LYPD6: variants seen among roughly 807,000 people sequenced by gnomAD.
The protein encoded by LYPD6 is ly6/PLAUR domain-containing protein 6.
Under a neutral mutation model 22.7 loss-of-function variants are expected in LYPD6, and 15 were observed. The ratio of observed to expected loss-of-function variants is 0.66; its 90% CI spans 0.44 to 1.02. The LOEUF (loss-of-function observed/expected upper bound fraction) is 1.02. Among genes scored for constraint, LYPD6 ranks in the 50% least tolerant of loss-of-function variants. LYPD6 has a pLI of 0.00. For synonymous variants in LYPD6, 72 were observed against 77.5 expected (o/e 0.93, Z 0.37); for missense variants, 189 against 208.4 (o/e 0.91, Z 0.57).
chr2:149,376,971 C>T (rs1681935627), intron 1 of LYPD6, among the ~76,000 whole-genome samples: 1 of 152,204 alleles, frequency 6.6e-6, no homozygotes. Flanking sequence ...ACCTTTGCAT[C>T]TCCTTTGTCA....
At chr2:149,460,612 C>T (rs930846470) in intron 3 of LYPD6, among the ~76,000 whole-genome samples, 1 of 152,102 alleles carries the variant, frequency 6.6e-6, no homozygotes, top group Non-Finnish European at 1.5e-5. Context: ...TAGAAGAATT[C>T]AACAGCACCA....
downstream of LYPD6, among the ~76,000 whole-genome samples, chr2:149,476,690 G>T (rs773327071): frequency 2.6e-5 from 4 of 152,220 alleles, no homozygotes; most frequent in Admixed American, 1.3e-4. Context: ...TCATCTTTGA[G>T]AAGAATTCAG....
At position 149,374,471 on chromosome 2, in the gene LYPD6, A is replaced by G. The variant is rs763809450; in HGVS notation, c.-72+43749A>G. The stretch of plus-strand genomic sequence containing the variant: ...CTCCATGATATTGGGAATGAAGGCA[A>G]CAATTTGAGTATTATCTAGATAGAG... On this transcript the variant is annotated intron_variant, in intron 1 of 4. Coordinates refer to ENST00000334166, the MANE Select transcript of LYPD6 (RefSeq NM_194317.5). Among the ~76,000 whole-genome samples, 123 of 152,312 alleles carry G rather than the reference A, an allele frequency of 8.1e-4. 1 individual carries two copies. The highest frequency in any genetic ancestry group is 4.1e-4 in the South Asian group (2 of 4,824).
chr2:149,474,212 G>C (rs1011212687), downstream of LYPD6: 1 of 150,806 alleles, frequency 6.6e-6, no homozygotes, highest in African/African-American at 2.4e-5. Flanking sequence ...TCGTTTTTTT[G>C]AGACAGCAGG....
At position 149,372,620 on chromosome 2, in the gene LYPD6, G is replaced by A. The variant is rs369832214; in HGVS notation, c.-72+41898G>A. ...CTTAAAGCTGGTCTAAACTTGCAGA[G>A]CATTCAAAGAATTTGGTTTAGTTTA... On this transcript the variant is annotated intron_variant, in intron 1 of 4. Coordinates refer to ENST00000334166, the MANE Select transcript of LYPD6 (RefSeq NM_194317.5). 3.3e-5 allele frequency among the ~76,000 whole-genome samples: 5 copies of A among 152,302 alleles called. No individual in the cohort carries two copies. The South Asian group carries it at 1.0e-3, about 32-fold the overall frequency.
chr2:149,357,401 A>G (rs1257005389), intron 1 of LYPD6, among the ~76,000 whole-genome samples: 4 of 152,316 alleles, frequency 2.6e-5, no homozygotes, highest in East Asian at 1.9e-4. Context: ...GTGCACATCA[A>G]TAACAATCTC....
At chr2:149,451,436 C>G (rs543501456) in intron 3 of LYPD6, among the ~76,000 whole-genome samples, 1 of 152,294 alleles carries the variant, frequency 6.6e-6, no homozygotes, top group East Asian at 1.9e-4. Flanking sequence ...GACTGCTTCT[C>G]CTGGTACTGA....
intron 1 of LYPD6, among the ~76,000 whole-genome samples, chr2:149,341,391 T>C (rs1681158943): frequency 6.6e-6 from 1 of 152,184 alleles, no homozygotes; most frequent in South Asian, 2.1e-4. Flanking sequence ...TACGTATACC[T>C]GTATTTTGTA....
intron 1 of LYPD6, among the ~76,000 whole-genome samples, chr2:149,418,349 A>G (rs1326488837): frequency 6.6e-6 from 1 of 152,206 alleles, no homozygotes; most frequent in African/African-American, 2.4e-5. Flanking sequence ...TTATTCTAAG[A>G]AAATAATGGG....
At position 149,471,037 on chromosome 2, in the gene LYPD6, A is replaced by G. The variant is rs1345559805; in HGVS notation, c.*187A>G. ...CTTCATTGTAGCCATTTTGAGTCTA[A>G]CCGAGACTCATCAAAGCCTTCTGTC... is the stretch of plus-strand genomic sequence containing the variant. On this transcript the variant is annotated 3_prime_UTR_variant, in exon 5 of 5. Coordinates refer to ENST00000334166, the MANE Select transcript of LYPD6 (RefSeq NM_194317.5). 5.9e-6 allele frequency: 3 copies of G among 507,270 alleles called. No individual in the cohort carries two copies. The highest frequency in any genetic ancestry group is 6.5e-5 in the Admixed American group (2 of 30,998). The allele number at this position is 507,270 out of a possible 1,614,324, so 31.4% of individuals were successfully genotyped here.
intron 4 of LYPD6, among the ~76,000 whole-genome samples, chr2:149,470,437 G>A (rs868172432): frequency 2.8e-4 from 42 of 152,272 alleles, no homozygotes; most frequent in African/African-American, 1.0e-3. Flanking sequence ...GAATCGTATG[G>A]GTGGAGGGTG....
intron 1 of LYPD6, among the ~76,000 whole-genome samples, chr2:149,357,581 T>C (rs942635360): frequency 1.2e-4 from 18 of 152,196 alleles, no homozygotes; most frequent in African/African-American, 4.1e-4. Flanking sequence ...TCCCACTGTT[T>C]TAGTATTACA....
chr2:149,444,410 A>G (rs1218594877), intron 2 of LYPD6, among the ~76,000 whole-genome samples: 2 of 152,198 alleles, frequency 1.3e-5, no homozygotes, highest in African/African-American at 4.8e-5. Context: ...ATTTTTAAAA[A>G]TAAGACAACA....
At chr2:149,455,816 A>T (rs1166268509) in intron 3 of LYPD6, among the ~76,000 whole-genome samples, 1 of 152,174 alleles carries the variant, frequency 6.6e-6, no homozygotes, top group Non-Finnish European at 1.5e-5. Flanking sequence ...CTTGGTAATA[A>T]GTACATTGCC....
At chr2:149,381,399 G>T (rs535925615) in intron 1 of LYPD6, among the ~76,000 whole-genome samples, 3 of 152,226 alleles carry the variant, frequency 2.0e-5, no homozygotes, top group South Asian at 4.2e-4. Flanking sequence ...TGACGAGGTG[G>T]CCCTGTTTTA....
chr2:149,474,925 C>T (rs928674043), downstream of LYPD6, among the ~76,000 whole-genome samples: 10 of 152,234 alleles, frequency 6.6e-5, no homozygotes, highest in South Asian at 2.1e-4. Context: ...TCTGCCACCA[C>T]GCCCAGCTAA....
intron 3 of LYPD6, among the ~76,000 whole-genome samples, chr2:149,463,404 A>C (rs1681129216): frequency 6.6e-6 from 1 of 152,154 alleles, no homozygotes; most frequent in Admixed American, 6.6e-5. Flanking sequence ...AAAGGAGGAG[A>C]AACTAGATCA....
At chr2:149,398,443 G>C (rs935438571) in intron 1 of LYPD6, among the ~76,000 whole-genome samples, 1 of 148,902 alleles carries the variant, frequency 6.7e-6, no homozygotes, top group Non-Finnish European at 1.5e-5. Context: ...GTGTGTGTGT[G>C]TGTGTATGTG....
intron 1 of LYPD6, among the ~76,000 whole-genome samples, chr2:149,340,674 A>G (rs1037876681): frequency 9.2e-5 from 14 of 152,204 alleles, no homozygotes; most frequent in African/African-American, 3.1e-4. Context: ...AGGCTTTACT[A>G]AATTCCCAGA....
Sources: gnomAD v4.1 joint callset for allele counts (sites outside exome capture counted in the v4.1 genomes callset) on GRCh38, gnomAD v4.1.1 for gene constraint, MANE v1.5 for transcripts, NCBI Gene and HGNC (gene_info 2026-07-23, HGNC 2026-07-21) for gene names.